KCTD16: variants seen among roughly 807,000 people sequenced by gnomAD.
KCTD16 encodes BTB/POZ domain-containing protein KCTD16.
In KCTD16, 13 loss-of-function variants were observed where a neutral mutation model predicts 33.2. The ratio of observed to expected loss-of-function variants is 0.39; its 90% CI spans 0.25 to 0.62. The LOEUF is 0.62. KCTD16 is among the 20% of genes least tolerant of loss of function. The pLI is 0.50. For missense variants in KCTD16, 441 were observed against 525.1 expected (o/e 0.84, Z 1.57); for synonymous variants, 197 against 195.3 (o/e 1.01, Z -0.07).
At chr5:144,203,759 T>G (rs947806947) in intron 2 of KCTD16, among the ~76,000 whole-genome samples, 1 of 152,246 alleles carries the variant, frequency 6.6e-6, no homozygotes, top group African/African-American at 2.4e-5. Context: ...GAATTCAGAT[T>G]TATTTTGTCT....
intron 3 of KCTD16, among the ~76,000 whole-genome samples, chr5:144,318,811 C>G (rs1053815276): frequency 2.4e-4 from 37 of 152,208 alleles, no homozygotes; most frequent in African/African-American, 8.7e-4. Context: ...AAATGAGGTG[C>G]CCACCACCTC....
chr5:144,183,826 CTTATAT>C (rs993501047), intron 2 of KCTD16, among the ~76,000 whole-genome samples: 4 of 152,132 alleles, frequency 2.6e-5, no homozygotes, highest in South Asian at 2.1e-4. Context: ...AAGGCTAGAA[CTTATAT>C]TTATAGGTTT....
At chr5:144,189,792 A>G (rs537524891) in intron 2 of KCTD16, among the ~76,000 whole-genome samples, 1 of 152,256 alleles carries the variant, frequency 6.6e-6, no homozygotes, top group African/African-American at 2.4e-5. Flanking sequence ...TTTAATTCAC[A>G]TGGTTGCCAT....
chr5:144,405,059 A>T (rs111773964), intron 3 of KCTD16, among the ~76,000 whole-genome samples: 2,332 of 152,292 alleles, frequency 0.015, 54 homozygotes, highest in African/African-American at 0.053. Flanking sequence ...GTACTTTCTT[A>T]AGCACTTTAT....
rs191390637 is a variant in KCTD16 at position 144,310,096 on chromosome 5, C to T, written c.832+102550C>T. ...TTAAAACTAGATATTATTCTCCTCT[C>T]TACCTCCATAAGATCCACTTTTTTA... On this transcript the variant is annotated intron_variant, in intron 3 of 3. Coordinates refer to ENST00000512467, the MANE Select transcript of KCTD16 (RefSeq NM_020768.4). 1.9e-3 allele frequency among the ~76,000 whole-genome samples: 289 copies of T among 151,834 alleles called. 2 individuals carry two copies. Among genetic ancestry groups the T allele is most frequent in the African/African-American group, 6.8e-3 (283 of 41,404 alleles).
chr5:144,212,784 A>AT (rs891707701), intron 3 of KCTD16, among the ~76,000 whole-genome samples: 23 of 151,838 alleles, frequency 1.5e-4, no homozygotes, highest in African/African-American at 3.9e-4. Flanking sequence ...AAATCAGTTA[A>AT]TTTTTTTTTA....
chr5:144,300,673 C>T (rs1472526776), intron 3 of KCTD16, among the ~76,000 whole-genome samples: 1 of 152,148 alleles, frequency 6.6e-6, no homozygotes, highest in East Asian at 1.9e-4. Context: ...GAAGACATAA[C>T]ACTCTATTGA....
chr5:144,255,547 C>T (rs1458003710), intron 3 of KCTD16, among the ~76,000 whole-genome samples: 1 of 152,122 alleles, frequency 6.6e-6, no homozygotes, highest in Non-Finnish European at 1.5e-5. Context: ...TTATGTCTCA[C>T]TATGGTTTTT....
chr5:144,475,965 A>T lies in KCTD16; in HGVS notation c.*1851A>T, dbSNP rs758121100. ...AGTGAAAAAGAAAGTTTATCTTGGGAGTTGAGTTGTCAAGAGAATTATAAT... is the reference window on the plus strand; with the variant it reads ...AGTGAAAAAGAAAGTTTATCTTGGGTGTTGAGTTGTCAAGAGAATTATAAT... On this transcript the variant is annotated 3_prime_UTR_variant, in exon 4 of 4. Coordinates refer to ENST00000512467, the MANE Select transcript of KCTD16 (RefSeq NM_020768.4). 7 of 152,188 alleles carry T rather than the reference A, an allele frequency of 4.6e-5. No individual in the cohort carries two copies. Among genetic ancestry groups the T allele is most frequent in the Non-Finnish European group, 1.0e-4 (7 of 68,022 alleles). 9.4% of individuals were successfully genotyped at this position (152,188 alleles called of 1,614,324 possible).
chr5:144,418,293 T>G (rs531475749), intron 3 of KCTD16, among the ~76,000 whole-genome samples: 106 of 152,274 alleles, frequency 7.0e-4, no homozygotes, highest in African/African-American at 2.3e-3. Flanking sequence ...CCAACGGGGA[T>G]TCTGGTGGCC....
chr5:144,369,849 A>G (rs1199194306), intron 3 of KCTD16, among the ~76,000 whole-genome samples: 1 of 152,192 alleles, frequency 6.6e-6, no homozygotes, highest in Non-Finnish European at 1.5e-5. Flanking sequence ...TATAATTTTA[A>G]TAGTTATGTA....
rs561711997 is a variant in KCTD16 at position 144,181,965 on chromosome 5, G to A, written c.-327+7493G>A. On this transcript the variant is annotated intron_variant, in intron 2 of 3. Transcript: ENST00000512467. ...AGAAATTAGCCAGCCGTGGTGGCAC[G>A]TGCCTGTAATTCCAGCTACTTGGGA... 3.8e-4 allele frequency among the ~76,000 whole-genome samples: 58 copies of A among 152,020 alleles called. 1 individual carries two copies. The highest frequency in any genetic ancestry group is 7.6e-4 in the Non-Finnish European group (52 of 67,974).
In KCTD16 at chr5:144,331,983, G is replaced by A. The variant is rs1462604594; in HGVS notation, c.832+124437G>A. ...CTCTTGACCATTGATATTATAGAAA[G>A]ATGGCAGAAATTCTTAGAAAAAGCC... On this transcript the variant is annotated intron_variant, in intron 3 of 3. Transcript: ENST00000512467. Among the ~76,000 whole-genome samples, 3 of 152,130 alleles carry A rather than the reference G, an allele frequency of 2.0e-5. No homozygotes were observed. The East Asian group carries it at 5.8e-4, about 29-fold the overall frequency.
intron 3 of KCTD16, among the ~76,000 whole-genome samples, chr5:144,283,904 G>A (rs1755672382): frequency 6.6e-6 from 1 of 152,102 alleles, no homozygotes; most frequent in South Asian, 2.1e-4. Flanking sequence ...CAATATATTT[G>A]GTGTAAGCTA....
intron 3 of KCTD16, among the ~76,000 whole-genome samples, chr5:144,234,749 GAA>G (rs1220420604): frequency 1.3e-5 from 2 of 152,054 alleles, no homozygotes; most frequent in Non-Finnish European, 2.9e-5. Flanking sequence ...AGCATTGTAT[GAA>G]AGAGTTGTAT....
intron 3 of KCTD16, among the ~76,000 whole-genome samples, chr5:144,396,443 G>A (rs1478123189): frequency 2.0e-5 from 3 of 152,120 alleles, no homozygotes; most frequent in South Asian, 2.1e-4. Context: ...TTACATTCAA[G>A]GACATTTGCG....
chr5:144,314,692 G>A (rs1383448683), intron 3 of KCTD16, among the ~76,000 whole-genome samples: 1 of 151,946 alleles, frequency 6.6e-6, no homozygotes, highest in Non-Finnish European at 1.5e-5. Context: ...TTAAAAATAG[G>A]GACTTCATTA....
At chr5:144,287,918 G>A (rs191247536) in intron 3 of KCTD16, among the ~76,000 whole-genome samples, 6 of 152,286 alleles carry the variant, frequency 3.9e-5, no homozygotes, top group African/African-American at 1.4e-4. Flanking sequence ...ACAGGCATGA[G>A]ACAATGCCTG....
chr5:144,203,744 G>T (rs1753096418), intron 2 of KCTD16, among the ~76,000 whole-genome samples: 1 of 152,062 alleles, frequency 6.6e-6, no homozygotes, highest in Non-Finnish European at 1.5e-5. Context: ...GTACTTAATA[G>T]GTCTGAATTC....
Sources: gnomAD v4.1 joint callset for allele counts (sites outside exome capture counted in the v4.1 genomes callset) on GRCh38, gnomAD v4.1.1 for gene constraint, MANE v1.5 for transcripts, NCBI Gene and HGNC (gene_info 2026-07-23, HGNC 2026-07-21) for gene names.